ADK: variants seen among roughly 807,000 people sequenced by gnomAD.
ADK encodes N6,N6-dimethyladenosine kinase.
In ADK, 24 loss-of-function variants were observed where a neutral mutation model predicts 44.7. That is an observed-to-expected ratio of 0.54 (90% CI 0.39 to 0.76). The LOEUF (loss-of-function observed/expected upper bound fraction) is 0.76. ADK is among the 30% of genes least tolerant of loss of function. The probability of loss-of-function intolerance (pLI) is 0.00; values close to 1 mark genes in which losing one functional copy is unlikely to be tolerated. For missense variants in ADK, 321 were observed against 425.1 expected, an observed-to-expected ratio of 0.76 and a Z score of 2.15; for synonymous variants, 128 against 142.6, an observed-to-expected ratio of 0.90 and a Z score of 0.73.
intron 8 of ADK, among the ~76,000 whole-genome samples, chr10:74,591,832 G>A (rs1454162137): frequency 6.6e-5 from 10 of 151,978 alleles, no homozygotes; most frequent in South Asian, 2.1e-4. Context: ...CATCAGTGCC[G>A]CTGTCCTACC....
chr10:74,368,238 C>T (rs897806410), intron 4 of ADK, among the ~76,000 whole-genome samples: 2 of 152,160 alleles, frequency 1.3e-5, no homozygotes, highest in Non-Finnish European at 2.9e-5. Flanking sequence ...CCCAGCTTCC[C>T]AAGTAGTTCA....
Position 74,349,265 on chromosome 10 carries a change from T to C in ADK, c.273+34520T>C, listed in dbSNP as rs187564342. Among the ~76,000 whole-genome samples, 624 of 152,326 alleles carry C rather than the reference T, an allele frequency of 4.1e-3. 6 individuals carry two copies. Among genetic ancestry groups the C allele is most frequent in the African/African-American group, 0.014 (587 of 41,574 alleles). ...AGAGAGTGGGGGCCATTATTCAACA[T>C]TCTTAAAGAAAAGAATTTTCAACCC... On this transcript the variant is annotated intron_variant, in intron 4 of 10. Coordinates refer to ENST00000539909, the MANE Select transcript of ADK (RefSeq NM_006721.4).
At chr10:74,285,739 A>G (rs1272457748) in intron 3 of ADK, among the ~76,000 whole-genome samples, 7 of 152,132 alleles carry the variant, frequency 4.6e-5, no homozygotes, top group Admixed American at 4.6e-4. Flanking sequence ...CAAATAAGAA[A>G]TCAGGAGGCC....
At chr10:74,498,847 C>T (rs1043500501) in intron 6 of ADK, among the ~76,000 whole-genome samples, 1 of 152,078 alleles carries the variant, frequency 6.6e-6, no homozygotes, top group African/African-American at 2.4e-5. Flanking sequence ...GAAAATGTGG[C>T]ACATATACAC....
At chr10:74,666,830 CTTTTTTT>C (rs11317030) in intron 9 of ADK, among the ~76,000 whole-genome samples, 1 of 109,050 alleles carries the variant, frequency 9.2e-6, no homozygotes. Flanking sequence ...AGTTTTGTGA[CTTTTTTT>C]TTTTTTTTTT....
intron 4 of ADK, among the ~76,000 whole-genome samples, chr10:74,333,695 TA>T (rs1310818183): frequency 6.6e-6 from 1 of 152,102 alleles, no homozygotes; most frequent in Non-Finnish European, 1.5e-5. Context: ...AAATTTAATC[TA>T]TTTTTTTCTC....
chr10:74,460,725 G>C (rs1245379545), intron 6 of ADK, among the ~76,000 whole-genome samples: 2 of 152,124 alleles, frequency 1.3e-5, no homozygotes, highest in African/African-American at 4.8e-5. Flanking sequence ...TATGAGACTT[G>C]AAAGGTTGTT....
At chr10:74,371,925 C>A in intron 4 of ADK, 2 of 1,411,618 alleles carry the variant, frequency 1.4e-6, no homozygotes, top group South Asian at 1.1e-5. Flanking sequence ...CAGGGCTGAC[C>A]ACCAGCCTCT....
At chr10:74,369,886 T>C (rs1842606210) in intron 4 of ADK, among the ~76,000 whole-genome samples, 1 of 152,224 alleles carries the variant, frequency 6.6e-6, no homozygotes, top group Admixed American at 6.5e-5. Flanking sequence ...TATATTATTC[T>C]ATAGAATCTA....
At chr10:74,341,104 TAA>T (rs957886252) in intron 4 of ADK, among the ~76,000 whole-genome samples, 1 of 152,178 alleles carries the variant, frequency 6.6e-6, no homozygotes, top group Admixed American at 6.5e-5. Flanking sequence ...CATTCAAAGT[TAA>T]AGTTATTTTT....
chr10:74,356,015 T>G (rs796258418), intron 4 of ADK, among the ~76,000 whole-genome samples: 3 of 133,060 alleles, frequency 2.3e-5, no homozygotes, highest in African/African-American at 8.4e-5. Flanking sequence ...TTTTTTTTTT[T>G]TTTTTTTTTT....
chr10:74,338,212 T>A (rs188365167), intron 4 of ADK, among the ~76,000 whole-genome samples: 2 of 152,296 alleles, frequency 1.3e-5, no homozygotes, highest in African/African-American at 4.8e-5. Flanking sequence ...TCTTAGCCAT[T>A]AGAGAAGTGC....
At chr10:74,205,803 A>G (rs946288636) in intron 2 of ADK, among the ~76,000 whole-genome samples, 2 of 152,130 alleles carry the variant, frequency 1.3e-5, no homozygotes, top group East Asian at 3.8e-4. Context: ...ACAAAATCTA[A>G]TATCTATTCC....
chr10:74,361,622 C>G (rs1323898188), intron 4 of ADK, among the ~76,000 whole-genome samples: 1 of 152,098 alleles, frequency 6.6e-6, no homozygotes, highest in Non-Finnish European at 1.5e-5. Flanking sequence ...ATAGTTTTGT[C>G]TTTTAGTCGT....
intron 4 of ADK, among the ~76,000 whole-genome samples, chr10:74,333,084 A>G (rs1841276106): frequency 6.6e-6 from 1 of 152,206 alleles, no homozygotes; most frequent in African/African-American, 2.4e-5. Context: ...TTTCCATTCT[A>G]ACAGTTACTT....
intron 7 of ADK, among the ~76,000 whole-genome samples, chr10:74,571,324 C>CA (rs1564798107): frequency 6.6e-6 from 1 of 152,074 alleles, no homozygotes; most frequent in Admixed American, 6.6e-5. Context: ...GGGAGGATTC[C>CA]CTCTTTTTCT....
At chr10:74,460,845 A>G (rs916692179) in intron 6 of ADK, among the ~76,000 whole-genome samples, 7 of 152,184 alleles carry the variant, frequency 4.6e-5, no homozygotes, top group African/African-American at 9.6e-5. Context: ...GCTTAAGAAA[A>G]TGTTTAAAGT....
At chr10:74,353,398 G>T (rs1344829283) in intron 4 of ADK, among the ~76,000 whole-genome samples, 2 of 152,000 alleles carry the variant, frequency 1.3e-5, no homozygotes, top group East Asian at 3.9e-4. Context: ...AACATACCTG[G>T]GCCAGCTGGT....
chr10:74,511,564 T>TGG (rs1440540440), intron 6 of ADK, among the ~76,000 whole-genome samples: 1 of 152,206 alleles, frequency 6.6e-6, no homozygotes, highest in Non-Finnish European at 1.5e-5. Flanking sequence ...TTCTAGCTAT[T>TGG]GTAAATGAGG....
Sources: allele counts gnomAD v4.1 joint callset (sites outside exome capture counted in the v4.1 genomes callset), GRCh38; gene constraint gnomAD v4.1.1; transcripts MANE v1.5; gene names NCBI Gene and HGNC (gene_info 2026-07-23, HGNC 2026-07-21).